IGSF21: variants seen among roughly 807,000 people sequenced by gnomAD.
IGSF21 encodes immunoglobulin superfamily member 21.
A neutral mutation model predicts 46.8 loss-of-function variants in IGSF21; 28 were observed. The observed-to-expected ratio is 0.60, with a 90% CI of 0.44 to 0.82. IGSF21 has a LOEUF of 0.82. Among genes scored for constraint, IGSF21 ranks in the 40% least tolerant of loss-of-function variants. IGSF21 has a pLI of 0.00. For missense variants in IGSF21, 624 were observed against 665.5 expected (o/e 0.94, Z 0.69); for synonymous variants, 284 against 273.6 (o/e 1.04, Z -0.38).
At chr1:18,228,691 G>A (rs908546850) in intron 2 of IGSF21, among the ~76,000 whole-genome samples, 4 of 152,206 alleles carry the variant, frequency 2.6e-5, no homozygotes, top group Admixed American at 1.3e-4. Context: ...GGTCCAGGGG[G>A]CAGTGATGCT....
At chr1:18,149,729 C>T (rs899267898) in intron 1 of IGSF21, among the ~76,000 whole-genome samples, 6 of 152,044 alleles carry the variant, frequency 3.9e-5, no homozygotes, top group African/African-American at 1.4e-4. Context: ...ACTGATCCAT[C>T]TCTAGACTCT....
chr1:18,253,491 C>G (rs958026779), intron 2 of IGSF21, among the ~76,000 whole-genome samples: 1 of 152,190 alleles, frequency 6.6e-6, no homozygotes, highest in East Asian at 1.9e-4. Flanking sequence ...GCCCAGAGAA[C>G]CCCCAGGCTG....
chr1:18,253,230 C>T (rs1569638828), intron 2 of IGSF21, among the ~76,000 whole-genome samples: 1 of 151,952 alleles, frequency 6.6e-6, no homozygotes, highest in Non-Finnish European at 1.5e-5. Context: ...CACTATGCAT[C>T]CTTGGCACCT....
Position 18,378,253 on chromosome 1 carries a change from C to A in IGSF21, c.1334-3C>A. The stretch of plus-strand genomic sequence containing the variant: ...CTGACCCTTTCCCTGATTCCTGGCA[C>A]AGGTTCCATTGGCCCCACTGGTGCC... On this transcript the variant is annotated splice_region_variant and splice_polypyrimidine_tract_variant and intron_variant, in intron 9 of 9. Transcript: ENST00000251296. 2 of 1,613,772 alleles carry A rather than the reference C, an allele frequency of 1.2e-6. No homozygotes were observed.
At chr1:18,128,951 G>A (rs1264387290) in intron 1 of IGSF21, among the ~76,000 whole-genome samples, 1 of 152,102 alleles carries the variant, frequency 6.6e-6, no homozygotes, top group African/African-American at 2.4e-5. Flanking sequence ...GAGTGGCCTG[G>A]AGCCCACAGA....
rs1407325997 is a variant in IGSF21 at position 18,335,574 on chromosome 1, C to G, written c.424+564C>G. On this transcript the variant is annotated intron_variant, in intron 4 of 9. Transcript: ENST00000251296. This position sits in a 1 kb window ranked among gnomAD's most constrained non-coding sequence, Gnocchi z 4.8. ...AGACTCAGTTTTCCCATGTGTAAAA[C>G]AAGAATGCTGCTCTGCACGTTCTCA... Among the ~76,000 whole-genome samples, 1 of 152,178 alleles carries G rather than the reference C, an allele frequency of 6.6e-6. No individual in the cohort carries two copies. The highest frequency in any genetic ancestry group is 1.5e-5 in the Non-Finnish European group (1 of 68,038).
intron 2 of IGSF21, among the ~76,000 whole-genome samples, chr1:18,244,874 G>A (rs985036051): frequency 1.3e-5 from 2 of 152,124 alleles, no homozygotes; most frequent in Non-Finnish European, 2.9e-5. Flanking sequence ...GTAGAAAAAT[G>A]TATATCCTGG....
intron 1 of IGSF21, among the ~76,000 whole-genome samples, chr1:18,214,774 C>CGCCAGGCTG (rs2084426252): frequency 2.0e-5 from 3 of 152,064 alleles, no homozygotes; most frequent in South Asian, 4.2e-4. Context: ...CTTGCTCTGT[C>CGCCAGGCTG]GCCAGGCTGG....
At chr1:18,153,012 GGGTT>G (rs1388901356) in intron 1 of IGSF21, among the ~76,000 whole-genome samples, 2 of 152,218 alleles carry the variant, frequency 1.3e-5, no homozygotes, top group Non-Finnish European at 1.5e-5. Flanking sequence ...AAAAGCACGA[GGGTT>G]GATGTTGATT....
intron 1 of IGSF21, chr1:18,110,074 CA>C (rs1267924600): frequency 6.6e-6 from 1 of 152,190 alleles, no homozygotes; most frequent in African/African-American, 2.4e-5. Context: ...CCTGACGCCT[CA>C]AATCCCTTTG....
chr1:18,149,334 G>A (rs2086500072), intron 1 of IGSF21, among the ~76,000 whole-genome samples: 1 of 152,206 alleles, frequency 6.6e-6, no homozygotes, highest in African/African-American at 2.4e-5. Flanking sequence ...TTCGGGGCAA[G>A]GGACTGATTT....
rs905060193 is a variant in IGSF21 at position 18,109,122 on chromosome 1, C to A, written c.70+924C>A. Among the ~76,000 whole-genome samples, 3 of 151,916 alleles carry A rather than the reference C, an allele frequency of 2.0e-5. No individual in the cohort carries two copies. Among genetic ancestry groups the A allele is most frequent in the African/African-American group, 7.3e-5 (3 of 41,344 alleles). ...AGAGGTGGCTCCGCAGCCCCAGGGT[C>A]CGCGGCCGGCCTCCCACCCAGTGCC... On this transcript the variant is annotated intron_variant, in intron 1 of 9. Transcript: ENST00000251296. This position sits in a 1 kb window ranked among gnomAD's most constrained non-coding sequence, Gnocchi z 4.8.
At chr1:18,125,738 C>T (rs1186178485) in intron 1 of IGSF21, among the ~76,000 whole-genome samples, 2 of 152,142 alleles carry the variant, frequency 1.3e-5, no homozygotes, top group Admixed American at 6.5e-5. Context: ...TGTGACCAGC[C>T]AGCTAACACA....
chr1:18,161,865 A>C (rs373551269), intron 1 of IGSF21, among the ~76,000 whole-genome samples: 68 of 152,070 alleles, frequency 4.5e-4, no homozygotes, highest in Middle Eastern at 3.2e-3. Flanking sequence ...GGAATTCCAG[A>C]TCCCCTTGGA....
chr1:18,342,525 A>G (rs1169389609), intron 4 of IGSF21, among the ~76,000 whole-genome samples: 1 of 152,224 alleles, frequency 6.6e-6, no homozygotes, highest in Non-Finnish European at 1.5e-5. Context: ...AATCAATTTT[A>G]GAACATTTTC....
At chr1:18,199,208 A>C (rs1228684506) in intron 1 of IGSF21, among the ~76,000 whole-genome samples, 1 of 152,000 alleles carries the variant, frequency 6.6e-6, no homozygotes, top group Non-Finnish European at 1.5e-5. Flanking sequence ...GGGCCCCTGC[A>C]CCCATCAGTG....
At chr1:18,117,013 GA>G (rs1456411812) in intron 1 of IGSF21, among the ~76,000 whole-genome samples, 1 of 152,190 alleles carries the variant, frequency 6.6e-6, no homozygotes, top group Admixed American at 6.5e-5. Flanking sequence ...TGCCTGCTAG[GA>G]AAGCGGTCTG....
intron 3 of IGSF21, among the ~76,000 whole-genome samples, chr1:18,331,717 T>TA (rs2085715155): frequency 6.6e-6 from 1 of 152,186 alleles, no homozygotes; most frequent in Non-Finnish European, 1.5e-5. Context: ...GGAGGGAGAT[T>TA]ACCAGGGATA....
Position 18,174,274 on chromosome 1 carries a change from C to T in IGSF21, c.71-53624C>T, listed in dbSNP as rs115163731. Among the ~76,000 whole-genome samples the T allele has an allele frequency of 5.5e-3, 830 of 152,292 alleles. 13 individuals are homozygous for T. Among genetic ancestry groups the T allele is most frequent in the African/African-American group, 0.019 (771 of 41,562 alleles). ...GAGAGCTTGCACCCCACCCCCGAGGCGTTGCAGGAAGGAATTCCATGTGTT... is the reference window on the plus strand; with the variant it reads ...GAGAGCTTGCACCCCACCCCCGAGGTGTTGCAGGAAGGAATTCCATGTGTT... On this transcript the variant is annotated intron_variant, in intron 1 of 9. Transcript: ENST00000251296.
Sources: allele counts gnomAD v4.1 joint callset (sites outside exome capture counted in the v4.1 genomes callset), GRCh38; gene constraint gnomAD v4.1.1; non-coding constraint Gnocchi (gnomAD v3.1); transcripts MANE v1.5; gene names NCBI Gene and HGNC (gene_info 2026-07-23, HGNC 2026-07-21).